The following PDZD2 variants were observed in gnomAD, a reference collection of about 807,000 sequenced individuals.
PDZD2 encodes the protein PDZ domain-containing protein 2.
In PDZD2, 90 loss-of-function variants were observed where a neutral mutation model predicts 220.7. The ratio of observed to expected loss-of-function variants is 0.41; its 90% CI spans 0.34 to 0.49. The LOEUF (loss-of-function observed/expected upper bound fraction) is 0.49. Among genes scored for constraint, PDZD2 ranks in the 20% least tolerant of loss-of-function variants. The probability of loss-of-function intolerance (pLI) is 0.28; values close to 1 mark genes in which losing one functional copy is unlikely to be tolerated. For synonymous variants in PDZD2, 1,375 were observed against 1,450.5 expected (o/e 0.95, Z 1.18); for missense variants, 3,174 against 3,608.5 (o/e 0.88, Z 3.08).
intron 1 of PDZD2, among the ~76,000 whole-genome samples, chr5:31,720,896 A>G (rs904775235): frequency 1.3e-5 from 2 of 152,166 alleles, no homozygotes; most frequent in Non-Finnish European, 2.9e-5. Context: ...TTTAGGTTTT[A>G]TGGCTGGCTT....
chr5:31,867,315 T>G (rs964840688), intron 2 of PDZD2, among the ~76,000 whole-genome samples: 5 of 152,240 alleles, frequency 3.3e-5, no homozygotes, highest in Non-Finnish European at 7.3e-5. Flanking sequence ...ACCAGCCCAC[T>G]GCTGCTCTGG....
At chr5:31,931,190 T>C (rs1392262791) in intron 2 of PDZD2, among the ~76,000 whole-genome samples, 3 of 152,090 alleles carry the variant, frequency 2.0e-5, no homozygotes, top group Non-Finnish European at 4.4e-5. Context: ...ACCTGGCTAA[T>C]TTTTGTATTT....
intron 24 of PDZD2, among the ~76,000 whole-genome samples, chr5:32,104,284 C>T (rs1744524235): frequency 1.3e-5 from 2 of 151,960 alleles, no homozygotes; most frequent in Admixed American, 1.3e-4. Context: ...TCTTTAAGCT[C>T]AAGCATTAGA....
chr5:32,043,714 G>A (rs182263599), intron 7 of PDZD2, among the ~76,000 whole-genome samples: 158 of 152,172 alleles, frequency 1.0e-3, no homozygotes, highest in Non-Finnish European at 1.8e-3. Context: ...CACAACCTCC[G>A]CCTCCCAGGT....
At chr5:31,927,816 C>T (rs559789931) in intron 2 of PDZD2, among the ~76,000 whole-genome samples, 1 of 152,264 alleles carries the variant, frequency 6.6e-6, no homozygotes, top group African/African-American at 2.4e-5. Context: ...TATAAACTAG[C>T]CAGAGGTGAC....
chr5:31,729,213 T>C (rs564298385), intron 1 of PDZD2, among the ~76,000 whole-genome samples: 134 of 150,794 alleles, frequency 8.9e-4, no homozygotes, highest in African/African-American at 3.2e-3. Context: ...AGGCAGTTCT[T>C]AGCCTCCCGA....
intron 24 of PDZD2, chr5:32,106,537 A>G (rs138923038): frequency 6.6e-6 from 1 of 152,250 alleles, no homozygotes; most frequent in East Asian, 1.9e-4. Flanking sequence ...CATCATCACC[A>G]TTTTGCAGAT....
At position 31,833,152 on chromosome 5, in the gene PDZD2, A is replaced by G. The variant is rs527836534; in HGVS notation, c.476+33428A>G. 2.6e-5 allele frequency among the ~76,000 whole-genome samples: 4 copies of G among 152,248 alleles called. No homozygotes were observed. In the East Asian group the frequency reaches 5.8e-4, roughly 22 times the overall value. On this transcript the variant is annotated intron_variant, in intron 2 of 24. Coordinates refer to ENST00000438447, the MANE Select transcript of PDZD2 (RefSeq NM_178140.4). ...TAAAAGGTTAAGACACTTGTTGCTA[A>G]TATCTTAAAAGTGGCCACTAGAAAC...
intron 1 of PDZD2, among the ~76,000 whole-genome samples, chr5:31,767,134 C>T (rs939748003): frequency 6.7e-6 from 1 of 148,258 alleles, no homozygotes; most frequent in East Asian, 2.1e-4. Context: ...TGGGTTCAAG[C>T]GATTCTCCTG....
intron 2 of PDZD2, among the ~76,000 whole-genome samples, chr5:31,831,503 C>A (rs1160940559): frequency 1.3e-5 from 2 of 152,062 alleles, no homozygotes; most frequent in Admixed American, 6.6e-5. Context: ...AATCCCAGCA[C>A]TTTGGGAGGC....
In PDZD2 at chr5:31,799,306, C is replaced by G. The variant is rs563246655; in HGVS notation, c.58C>G (p.Gln20Glu). Reference sequence around the variant, plus strand: ...CCTGCCCCTCCTCTACCAGTGGCTGCAGAACAGCCTGCAGGAAGGTGGGGA... The same window carrying G: ...CCTGCCCCTCCTCTACCAGTGGCTGGAGAACAGCCTGCAGGAAGGTGGGGA... ...LHLPLLYQWLQNSLQEGGDGP... is the reference protein window; with the variant it reads ...LHLPLLYQWLENSLQEGGDGP... Residue 20 changes from glutamine to glutamate, a missense_variant, in exon 2 of 25, where the codon CAG becomes GAG. This residue lies in a region of PDZD2 where 632 missense variants were observed against 708.1 expected (regional missense o/e 0.89). Transcript: ENST00000438447. 6 of 1,613,878 alleles carry G rather than the reference C, an allele frequency of 3.7e-6. No individual in the cohort carries two copies. In the African/African-American group the frequency reaches 8.0e-5, roughly 22 times the overall value.
At position 31,823,154 on chromosome 5, in the gene PDZD2, CAAAAAAAAAAA is replaced by C. The variant is rs397997277; in HGVS notation, c.476+23448_476+23458del. 2.0e-3 allele frequency: 206 copies of C among 104,714 alleles called. 2 individuals carry two copies. Among genetic ancestry groups the C allele is most frequent in the South Asian group, 4.2e-3 (31 of 7,428 alleles). The allele number at this position is 104,714 out of a possible 1,614,324, so 6.5% of individuals were successfully genotyped here. Reference sequence around the variant, plus strand: ...GTCTTCATTCTCGCAGTAGACGTGGCAAAAAAAAAAAAAAAAAAAAAAAAAAAAGCAAGCAT... The same window carrying C: ...GTCTTCATTCTCGCAGTAGACGTGGCAAAAAAAAAAAAAAAAAGCAAGCAT... On this transcript the variant is annotated intron_variant, in intron 2 of 24. Coordinates refer to ENST00000438447, the MANE Select transcript of PDZD2 (RefSeq NM_178140.4).
At chr5:31,666,047 C>CA (rs1298016579) in intron 1 of PDZD2, among the ~76,000 whole-genome samples, 1 of 152,224 alleles carries the variant, frequency 6.6e-6, no homozygotes, top group Non-Finnish European at 1.5e-5. Flanking sequence ...CACATCAGTT[C>CA]AGGAACCTAC....
At chr5:31,791,227 CAAAG>C (rs1457601071) in intron 1 of PDZD2, among the ~76,000 whole-genome samples, 2 of 152,104 alleles carry the variant, frequency 1.3e-5, no homozygotes, top group African/African-American at 2.4e-5. Flanking sequence ...CCTTTCTAAG[CAAAG>C]TGATAGTTCT....
At chr5:32,050,691 C>T (rs1738457846) in intron 8 of PDZD2, among the ~76,000 whole-genome samples, 1 of 152,110 alleles carries the variant, frequency 6.6e-6, no homozygotes, top group Non-Finnish European at 1.5e-5. Flanking sequence ...TATGGTCGTG[C>T]ATACCTGTGT....
At chr5:32,009,009 G>A (rs2112072015) in intron 5 of PDZD2, among the ~76,000 whole-genome samples, 1 of 152,214 alleles carries the variant, frequency 6.6e-6, no homozygotes, top group Admixed American at 6.5e-5. Flanking sequence ...GAGACAGGAG[G>A]AGGGGGATGA....
At chr5:31,692,617 C>T (rs1230451557) in intron 1 of PDZD2, among the ~76,000 whole-genome samples, 1 of 152,248 alleles carries the variant, frequency 6.6e-6, no homozygotes, top group East Asian at 1.9e-4. Context: ...CTGTCTCCAG[C>T]ATTGTCAGGC....
chr5:31,799,826 C>A, intron 2 of PDZD2, 102 bp downstream of exon 2: 1 of 749,256 alleles, frequency 1.3e-6, no homozygotes, highest in Non-Finnish European at 2.3e-6. Flanking sequence ...CAATAAGAAG[C>A]TGATGGCATA....
chr5:31,757,540 C>T (rs987585416), intron 1 of PDZD2, among the ~76,000 whole-genome samples: 3 of 151,234 alleles, frequency 2.0e-5, no homozygotes, highest in East Asian at 1.9e-4. Flanking sequence ...TGCAGTGAGC[C>T]GAGATTGCGC....
Sources: allele counts gnomAD v4.1 joint callset (sites outside exome capture counted in the v4.1 genomes callset), GRCh38; gene constraint gnomAD v4.1.1; regional missense constraint gnomAD v4.1.1; transcripts MANE v1.5; gene names NCBI Gene and HGNC (gene_info 2026-07-23, HGNC 2026-07-21).